Variants in TNFRSF21 observed in about 807,000 individuals in gnomAD.
TNFRSF21 encodes the protein tumor necrosis factor receptor superfamily member 21.
TNFRSF21 carries 19 observed loss-of-function variants against 45.6 expected under a neutral mutation model. That is an observed-to-expected ratio of 0.42 (90% CI 0.29 to 0.61). The LOEUF is 0.61. Ranked by LOEUF, TNFRSF21 falls within the 20% of genes least tolerant of loss-of-function variation. The pLI is 0.23. For missense variants in TNFRSF21, 737 were observed against 851.5 expected, an observed-to-expected ratio of 0.87 and a Z score of 1.67; for synonymous variants, 314 against 335.5, an observed-to-expected ratio of 0.94 and a Z score of 0.70.
chr6:47,274,094 C>T (rs1372112701), intron 3 of TNFRSF21, among the ~76,000 whole-genome samples: 1 of 152,168 alleles, frequency 6.6e-6, no homozygotes, highest in Non-Finnish European at 1.5e-5. Context: ...CCATCCCCAT[C>T]AAGCTACCAA....
Position 47,234,848 on chromosome 6 carries a change from C to T in TNFRSF21, c.1560G>A (p.Pro520=), listed in dbSNP as rs1764642559. Residue 520 remains proline (P), a synonymous_variant, in exon 5 of 6, where the codon CCG becomes CCA. Transcript: ENST00000296861. ...TCGCGTTGGGGCTGGGGATGGGGCT[C>T]GGGCTAAGCGGGCTGGGGCTCATCG... The part of the protein sequence containing the change: ...ALPMSPSPLS[P]SPIPSPNAKL... 4 of 1,490,638 alleles carry T rather than the reference C, an allele frequency of 2.7e-6. No homozygotes were observed. Among genetic ancestry groups the T allele is most frequent in the Admixed American group, 2.7e-5 (1 of 37,312 alleles). 92.3% of individuals were successfully genotyped at this position (1,490,638 alleles called of 1,614,324 possible). A position where few individuals can be genotyped will look rare whatever the true frequency, so the allele number is the denominator to read the frequency against.
chr6:47,255,317 GTTT>G (rs1764969674), intron 3 of TNFRSF21, among the ~76,000 whole-genome samples: 1 of 152,190 alleles, frequency 6.6e-6, no homozygotes, highest in South Asian at 2.1e-4. Flanking sequence ...GTGTCTCTCT[GTTT>G]ATGGCGTCTT....
intron 3 of TNFRSF21, among the ~76,000 whole-genome samples, chr6:47,259,459 C>A (rs775187218): frequency 6.6e-6 from 1 of 152,070 alleles, no homozygotes; most frequent in African/African-American, 2.4e-5. Context: ...ACTGCAACCT[C>A]CACCTCCTGG....
chr6:47,277,564 A>G (rs1047530518), intron 3 of TNFRSF21, among the ~76,000 whole-genome samples: 1 of 152,180 alleles, frequency 6.6e-6, no homozygotes, highest in Non-Finnish European at 1.5e-5. Flanking sequence ...CCTGTGTACT[A>G]TTAGTATCCC....
intron 4 of TNFRSF21, among the ~76,000 whole-genome samples, chr6:47,249,397 T>C (rs1029885567): frequency 6.6e-6 from 1 of 152,208 alleles, no homozygotes; most frequent in African/African-American, 2.4e-5. Context: ...AAGCTAGAAT[T>C]TTATTTCCAG....
At chr6:47,290,554 G>A (rs1029847160) in intron 1 of TNFRSF21, among the ~76,000 whole-genome samples, 2 of 152,198 alleles carry the variant, frequency 1.3e-5, no homozygotes, top group Admixed American at 1.3e-4. Context: ...TTCTCAGACT[G>A]TAAGTGGATT....
At chr6:47,278,179 ATTC>A (rs1279274130) in intron 3 of TNFRSF21, among the ~76,000 whole-genome samples, 1 of 152,192 alleles carries the variant, frequency 6.6e-6, no homozygotes, top group Non-Finnish European at 1.5e-5. Context: ...CTGAAAAATA[ATTC>A]TTACCATCTA....
intron 1 of TNFRSF21, among the ~76,000 whole-genome samples, chr6:47,302,167 A>T (rs1477675384): frequency 6.6e-6 from 1 of 152,208 alleles, no homozygotes. Flanking sequence ...AGCTTACTTA[A>T]GCGAGTGCTA....
intron 3 of TNFRSF21, among the ~76,000 whole-genome samples, chr6:47,260,015 T>C (rs1164847928): frequency 6.6e-6 from 1 of 152,184 alleles, no homozygotes; most frequent in East Asian, 1.9e-4. Flanking sequence ...AGGAGATTTA[T>C]GCGATCAAGT....
At chr6:47,268,671 T>A (rs377665516) in intron 3 of TNFRSF21, among the ~76,000 whole-genome samples, 130 of 152,220 alleles carry the variant, frequency 8.5e-4, no homozygotes, top group African/African-American at 3.0e-3. Flanking sequence ...TAAAAGATAC[T>A]CATAAAAAGG....
intron 4 of TNFRSF21, 125 bp downstream of exon 4, chr6:47,253,131 C>T (rs1582323447): frequency 1.4e-5 from 14 of 1,017,754 alleles, no homozygotes; most frequent in Non-Finnish European, 1.8e-5. Context: ...CAGGCGTATG[C>T]GTGTGTGTGT....
intron 1 of TNFRSF21, among the ~76,000 whole-genome samples, chr6:47,292,126 A>C (rs1047278590): frequency 1.3e-5 from 2 of 152,202 alleles, no homozygotes; most frequent in African/African-American, 4.8e-5. Flanking sequence ...CAAAAGTGGC[A>C]TTTAAGAATA....
chr6:47,308,002 C>T (rs1340209870), intron 1 of TNFRSF21, among the ~76,000 whole-genome samples: 1 of 152,200 alleles, frequency 6.6e-6, no homozygotes, highest in Non-Finnish European at 1.5e-5. Context: ...GACTGTCAAT[C>T]CAGGTTCATT....
Position 47,267,673 on chromosome 6 carries a change from A to G in TNFRSF21, c.1244-14152T>C, listed in dbSNP as rs146009318. Among the ~76,000 whole-genome samples the G allele has an allele frequency of 9.6e-4, 146 of 152,278 alleles. 1 individual carries two copies. Among genetic ancestry groups the G allele is most frequent in the African/African-American group, 3.2e-3 (131 of 41,558 alleles). On this transcript the variant is annotated intron_variant, in intron 3 of 5. Transcript: ENST00000296861. The stretch of plus-strand genomic sequence containing the variant: ...GGCAACCAAGCTGGTAATTTTATCA[A>G]TGTTACATATTATATCATTCAATCT...
intron 3 of TNFRSF21, among the ~76,000 whole-genome samples, chr6:47,275,652 A>G (rs1762486821): frequency 7.2e-6 from 1 of 139,764 alleles, no homozygotes; most frequent in Non-Finnish European, 1.6e-5. Flanking sequence ...TTAAAGTGTA[A>G]TTTTAAAAAA....
chr6:47,234,603 G>T, intron 5 of TNFRSF21, 67 bp downstream of exon 5: 1 of 1,297,796 alleles, frequency 7.7e-7, no homozygotes. Context: ...TGGACGGGGA[G>T]GGACGAATCC....
At chr6:47,285,034 A>T (rs1417387703) in intron 2 of TNFRSF21, among the ~76,000 whole-genome samples, 2 of 152,214 alleles carry the variant, frequency 1.3e-5, no homozygotes, top group Non-Finnish European at 2.9e-5. Context: ...ATTAAGAAGT[A>T]TGAGAGATGG....
intron 3 of TNFRSF21, among the ~76,000 whole-genome samples, chr6:47,269,079 C>T (rs1353099974): frequency 1.3e-5 from 2 of 152,150 alleles, no homozygotes; most frequent in Admixed American, 1.3e-4. Context: ...TTCCCTCTAA[C>T]CCTACTGGCC....
chr6:47,272,009 C>T (rs995966424), intron 3 of TNFRSF21, among the ~76,000 whole-genome samples: 1 of 152,166 alleles, frequency 6.6e-6, no homozygotes, highest in African/African-American at 2.4e-5. Context: ...CACCCAGATT[C>T]ATAAAGCAAG....
Sources: allele counts gnomAD v4.1 joint callset (sites outside exome capture counted in the v4.1 genomes callset), GRCh38; gene constraint gnomAD v4.1.1; transcripts MANE v1.5; gene names NCBI Gene and HGNC (gene_info 2026-07-23, HGNC 2026-07-21).